Variants in PCDH15 observed in about 807,000 individuals in gnomAD.
PCDH15 encodes protocadherin-15.
A neutral mutation model predicts 178.5 loss-of-function variants in PCDH15; 129 were observed. The ratio of observed to expected loss-of-function variants is 0.72; its 90% CI spans 0.63 to 0.84. The LOEUF (loss-of-function observed/expected upper bound fraction) is 0.84, where lower values mean the gene tolerates loss of function less well. Among genes scored for constraint, PCDH15 ranks in the 40% least tolerant of loss-of-function variants. The pLI is 0.00. For synonymous variants in PCDH15, 800 were observed against 732.0 expected (o/e 1.09, Z -1.50); for missense variants, 2,230 against 2,099.9 (o/e 1.06, Z -1.21).
At chr10:54,464,887 A>G (rs2077417594) in intron 3 of PCDH15, among the ~76,000 whole-genome samples, 1 of 152,188 alleles carries the variant, frequency 6.6e-6, no homozygotes, top group South Asian at 2.1e-4. Flanking sequence ...TCACTAAGCT[A>G]AGGGAGGAAG....
intron 21 of PCDH15, among the ~76,000 whole-genome samples, chr10:53,990,999 C>T (rs117129631): frequency 0.035 from 5,350 of 152,190 alleles, 132 homozygotes; most frequent in East Asian, 0.11. Flanking sequence ...GCACTGCCCG[C>T]CCGCCCACGC....
chr10:55,075,522 T>G lies in PCDH15; in HGVS notation c.-80+91054A>C, dbSNP rs112448511. On this transcript the variant is annotated intron_variant, in intron 2 of 5. Coordinates refer to the PCDH15 transcript ENST00000458638. Reference sequence around the variant, plus strand: ...CTGGGATTACAGGCATGTGCCACCGTGTCCAGCTAATTTTTGTATTTTAGT... The same window carrying G: ...CTGGGATTACAGGCATGTGCCACCGGGTCCAGCTAATTTTTGTATTTTAGT... 8.2e-3 allele frequency among the ~76,000 whole-genome samples: 1,245 copies of G among 151,898 alleles called. 19 individuals carry two copies. The highest frequency in any genetic ancestry group is 0.028 in the African/African-American group (1,159 of 41,470).
chr10:54,117,486 C>T (rs537958764), intron 15 of PCDH15, among the ~76,000 whole-genome samples: 46 of 152,164 alleles, frequency 3.0e-4, no homozygotes, highest in African/African-American at 5.8e-4. Flanking sequence ...ATTGTGGTGT[C>T]GGGGATGGGG....
intron 2 of PCDH15, among the ~76,000 whole-genome samples, chr10:54,948,617 CAGA>C (rs1838251629): frequency 6.6e-6 from 1 of 151,812 alleles, no homozygotes; most frequent in Non-Finnish European, 1.5e-5. Context: ...AAAAATAAAG[CAGA>C]AGAAGAGATT....
Position 55,618,140 on chromosome 10 carries a change from C to T in PCDH15, c.-156+9485G>A, listed in dbSNP as rs1343851674. Among the ~76,000 whole-genome samples, 17 of 151,812 alleles carry T rather than the reference C, an allele frequency of 1.1e-4. No homozygotes were observed. The East Asian group carries it at 3.1e-3, about 28-fold the overall frequency. On this transcript the variant is annotated intron_variant, in intron 2 of 5. Transcript: ENST00000613346. ...CCAGGATTTTTTTTCTATTGCATTG[C>T]TGTTTATTAAATTATAGCTACTTGA...
At chr10:53,818,974 T>C (rs2076159473) in intron 33 of PCDH15, among the ~76,000 whole-genome samples, 1 of 151,670 alleles carries the variant, frequency 6.6e-6, no homozygotes, top group African/African-American at 2.4e-5. Flanking sequence ...ATATTGAAAC[T>C]GTTTGTAAAA....
At chr10:55,566,404 C>T (rs1481188702) in intron 2 of PCDH15, among the ~76,000 whole-genome samples, 3 of 151,184 alleles carry the variant, frequency 2.0e-5, no homozygotes, top group African/African-American at 7.3e-5. Context: ...TGATAAGCAA[C>T]AAGGCAAGGA....
chr10:55,111,897 G>A (rs914712833), intron 2 of PCDH15, among the ~76,000 whole-genome samples: 1 of 152,030 alleles, frequency 6.6e-6, no homozygotes, highest in African/African-American at 2.4e-5. Flanking sequence ...TCAAATTGCT[G>A]TTTCACTGTT....
At chr10:54,495,856 G>T (rs1217955647) in intron 3 of PCDH15, among the ~76,000 whole-genome samples, 1 of 152,066 alleles carries the variant, frequency 6.6e-6, no homozygotes, top group Non-Finnish European at 1.5e-5. Flanking sequence ...TTTCAAGTCA[G>T]ATTTTGCTTT....
chr10:53,967,661 T>G (rs1269731487), intron 21 of PCDH15, among the ~76,000 whole-genome samples: 1 of 152,212 alleles, frequency 6.6e-6, no homozygotes, highest in Non-Finnish European at 1.5e-5. Flanking sequence ...CCCAATAAGT[T>G]AATGTTTCTT....
chr10:54,796,772 A>G (rs1952062154), intron 1 of PCDH15, among the ~76,000 whole-genome samples: 1 of 151,722 alleles, frequency 6.6e-6, no homozygotes, highest in Non-Finnish European at 1.5e-5. Flanking sequence ...TCTGTGACTT[A>G]TCTGTGTCTG....
intron 8 of PCDH15, among the ~76,000 whole-genome samples, chr10:54,295,550 G>C (rs979024190): frequency 7.9e-5 from 12 of 152,182 alleles, no homozygotes; most frequent in Non-Finnish European, 1.5e-4. Context: ...CACTCCTGAA[G>C]TCAGTGAGAC....
intron 2 of PCDH15, among the ~76,000 whole-genome samples, chr10:54,927,634 T>C (rs1837666109): frequency 6.6e-6 from 1 of 152,174 alleles, no homozygotes; most frequent in Non-Finnish European, 1.5e-5. Flanking sequence ...TGGGTACATA[T>C]ATATTTAGGA....
At chr10:54,276,522 TATATAGCA>T (rs1421004214) in intron 8 of PCDH15, among the ~76,000 whole-genome samples, 1 of 151,656 alleles carries the variant, frequency 6.6e-6, no homozygotes, top group Non-Finnish European at 1.5e-5. Context: ...ATTTCATGAG[TATATAGCA>T]ATTTGGACAG....
intron 1 of PCDH15, among the ~76,000 whole-genome samples, chr10:54,740,828 T>C (rs189332913): frequency 6.6e-6 from 1 of 152,102 alleles, no homozygotes; most frequent in Non-Finnish European, 1.5e-5. Flanking sequence ...CTTGGTCTTC[T>C]GGAGATAATG....
chr10:55,546,319 C>T (rs1215093004), intron 2 of PCDH15, among the ~76,000 whole-genome samples: 1 of 152,042 alleles, frequency 6.6e-6, no homozygotes, highest in East Asian at 1.9e-4. Context: ...ACAAATAATA[C>T]AGTATATTAG....
At chr10:55,253,604 A>T (rs1044529222) in intron 1 of PCDH15, among the ~76,000 whole-genome samples, 12 of 130,484 alleles carry the variant, frequency 9.2e-5, no homozygotes, top group Non-Finnish European at 1.7e-4. Flanking sequence ...GAACCATAAT[A>T]AGTTTTTTTT....
At chr10:54,810,559 AT>A (rs901541352) in intron 3 of PCDH15, among the ~76,000 whole-genome samples, 79 of 151,950 alleles carry the variant, frequency 5.2e-4, no homozygotes, top group Non-Finnish European at 5.0e-4. Context: ...TCACAAAAAA[AT>A]AATATACTTT....
chr10:54,622,644 T>A (rs2093404409), intron 2 of PCDH15, among the ~76,000 whole-genome samples: 5 of 107,484 alleles, frequency 4.7e-5, no homozygotes, highest in Non-Finnish European at 8.7e-5. Flanking sequence ...ATTATATAAT[T>A]ATATATATAC....
Sources: gnomAD v4.1 joint callset for allele counts (sites outside exome capture counted in the v4.1 genomes callset) on GRCh38, gnomAD v4.1.1 for gene constraint, MANE v1.5 for transcripts, NCBI Gene and HGNC (gene_info 2026-07-23, HGNC 2026-07-21) for gene names.